APBB2: variants seen among roughly 807,000 people sequenced by gnomAD.
The protein encoded by APBB2 is amyloid beta precursor protein binding family B member 2.
Under a neutral mutation model 82.5 loss-of-function variants are expected in APBB2, and 38 were observed. The observed-to-expected ratio is 0.46, with a 90% confidence interval of 0.36 to 0.60. The LOEUF (loss-of-function observed/expected upper bound fraction) is 0.60. Ranked by LOEUF, APBB2 falls within the 20% of genes least tolerant of loss-of-function variation. The probability of loss-of-function intolerance (pLI) is 0.00; values close to 1 mark genes in which losing one functional copy is unlikely to be tolerated. For synonymous variants in APBB2, 341 were observed against 368.2 expected, an observed-to-expected ratio of 0.93 and a Z score of 0.85; for missense variants, 772 against 972.3, an observed-to-expected ratio of 0.79 and a Z score of 2.74.
intron 10 of APBB2, among the ~76,000 whole-genome samples, chr4:40,902,983 A>T (rs895738665): frequency 6.6e-5 from 10 of 151,992 alleles, no homozygotes; most frequent in Non-Finnish European, 1.3e-4. Context: ...TGTAAAAAAA[A>T]TTTTTTTTAA....
intron 6 of APBB2, chr4:40,990,294 C>T (rs13102564): frequency 0.53 from 79,632 of 150,874 alleles, 21,269 homozygotes; most frequent in East Asian, 0.67. Flanking sequence ...CTTCTCTCTC[C>T]CTCTCTCTTT....
intron 6 of APBB2, among the ~76,000 whole-genome samples, chr4:40,996,211 T>A (rs998100805): frequency 6.6e-6 from 1 of 152,234 alleles, no homozygotes; most frequent in Admixed American, 6.5e-5. Context: ...GAATGAGATA[T>A]CTAGCCATTT....
chr4:41,066,475 G>A (rs1359053736), intron 3 of APBB2, among the ~76,000 whole-genome samples: 1 of 152,176 alleles, frequency 6.6e-6, no homozygotes, highest in Non-Finnish European at 1.5e-5. Flanking sequence ...GTGAAGTCTA[G>A]GGGAGGCAAA....
At chr4:41,195,236 A>C in intron 1 of APBB2, among the ~76,000 whole-genome samples, 1 of 152,170 alleles carries the variant, frequency 6.6e-6, no homozygotes, top group Non-Finnish European at 1.5e-5. Context: ...GATGCTGATG[A>C]AACACCTCAA....
chr4:40,972,253 C>G (rs367661760), intron 6 of APBB2, among the ~76,000 whole-genome samples: 1 of 151,682 alleles, frequency 6.6e-6, no homozygotes, highest in Non-Finnish European at 1.5e-5. Context: ...AAGGTGAAAC[C>G]CCGTCTCCAC....
At chr4:41,149,297 T>C (rs1008710146) in intron 1 of APBB2, among the ~76,000 whole-genome samples, 1 of 152,224 alleles carries the variant, frequency 6.6e-6, no homozygotes, top group Admixed American at 6.5e-5. Flanking sequence ...AAAAATTAAA[T>C]TATTTTAGAA....
chr4:41,047,456 A>G (rs1267192341), intron 4 of APBB2, among the ~76,000 whole-genome samples: 1 of 152,282 alleles, frequency 6.6e-6, no homozygotes, highest in African/African-American at 2.4e-5. Flanking sequence ...GCCCACAGGG[A>G]TAGGGCTCCA....
chr4:41,201,108 G>A (rs7683746), intron 1 of APBB2, among the ~76,000 whole-genome samples: 29,717 of 152,054 alleles, frequency 0.2, 3,888 homozygotes, highest in African/African-American at 0.37. Flanking sequence ...TGCCTTATAC[G>A]GAGGGCTCAT....
chr4:40,935,235 A>T, intron 7 of APBB2, 96 bp from the exon 8 acceptor site: 1 of 909,042 alleles, frequency 1.1e-6, no homozygotes, highest in Non-Finnish European at 1.6e-6. Context: ...TGTTGTTAGC[A>T]TTGATATTCA....
At chr4:40,875,987 T>C (rs1028529429) in intron 12 of APBB2, among the ~76,000 whole-genome samples, 1 of 152,212 alleles carries the variant, frequency 6.6e-6, no homozygotes, top group South Asian at 2.1e-4. Context: ...TACATGTGTG[T>C]TTGTGTATGT....
chr4:40,932,968 A>T (rs1256633265), intron 10 of APBB2, among the ~76,000 whole-genome samples: 1 of 152,120 alleles, frequency 6.6e-6, no homozygotes, highest in African/African-American at 2.4e-5. Context: ...GGTTCAAGTG[A>T]TTCTCCTGCC....
intron 3 of APBB2, among the ~76,000 whole-genome samples, chr4:41,096,985 A>T (rs967287816): frequency 2.0e-5 from 3 of 152,250 alleles, no homozygotes; most frequent in African/African-American, 7.2e-5. Flanking sequence ...AAGAATGCAC[A>T]CAAAGGTTTA....
At chr4:41,076,663 A>T (rs953449896) in intron 3 of APBB2, among the ~76,000 whole-genome samples, 5 of 152,222 alleles carry the variant, frequency 3.3e-5, no homozygotes, top group African/African-American at 9.6e-5. Context: ...CAATTGACAA[A>T]GCCTTGCTTT....
At chr4:40,964,845 T>G (rs1295720728) in intron 6 of APBB2, among the ~76,000 whole-genome samples, 4 of 151,024 alleles carry the variant, frequency 2.6e-5, no homozygotes, top group Non-Finnish European at 4.4e-5. Context: ...TAGTAGCCGG[T>G]AGTGGTGGCT....
chr4:40,830,400 A>T, intron 13 of APBB2, 63 bp downstream of exon 13: 1 of 1,183,410 alleles, frequency 8.5e-7, no homozygotes, highest in Non-Finnish European at 1.3e-6. Context: ...CCGCCCTTCC[A>T]CATCCTTTTA....
chr4:41,177,405 C>A (rs1340411227), intron 1 of APBB2, among the ~76,000 whole-genome samples: 1 of 152,136 alleles, frequency 6.6e-6, no homozygotes, highest in Non-Finnish European at 1.5e-5. Flanking sequence ...TTTTCTCATT[C>A]TGCATTGTAA....
At chr4:40,927,623 A>G (rs570326889) in intron 10 of APBB2, among the ~76,000 whole-genome samples, 1 of 152,236 alleles carries the variant, frequency 6.6e-6, no homozygotes, top group Admixed American at 6.5e-5. Flanking sequence ...CTGGGACTAC[A>G]GACGCATGCC....
intron 12 of APBB2, among the ~76,000 whole-genome samples, chr4:40,833,577 T>TA (rs1752825960): frequency 2.0e-5 from 3 of 152,092 alleles, no homozygotes; most frequent in African/African-American, 4.8e-5. Context: ...TTTTTGTAGT[T>TA]ACTGTTACAG....
chr4:41,153,778 C>T (rs1204450219), intron 1 of APBB2, among the ~76,000 whole-genome samples: 1 of 151,994 alleles, frequency 6.6e-6, no homozygotes, highest in African/African-American at 2.4e-5. Flanking sequence ...ATCACATTTT[C>T]GAGGAGGGGT....
Sources: gnomAD v4.1 joint callset for allele counts (sites outside exome capture counted in the v4.1 genomes callset) on GRCh38, gnomAD v4.1.1 for gene constraint, MANE v1.5 for transcripts, NCBI Gene and HGNC (gene_info 2026-07-23, HGNC 2026-07-21) for gene names.